The following LZTS1 variants were observed in gnomAD, a reference collection of about 807,000 sequenced individuals.
LZTS1 encodes the protein leucine zipper putative tumor suppressor 1.
Under a neutral mutation model 45.8 loss-of-function variants are expected in LZTS1, and 31 were observed. That is an observed-to-expected ratio of 0.68 (90% CI 0.51 to 0.91). The LOEUF is 0.91. LZTS1 is among the 40% of genes least tolerant of loss of function. The pLI, the probability that LZTS1 is intolerant of heterozygous loss-of-function variation, is 0.00. For missense variants in LZTS1, 821 were observed against 788.9 expected, an observed-to-expected ratio of 1.04 and a Z score of -0.49; for synonymous variants, 359 against 357.3, an observed-to-expected ratio of 1.00 and a Z score of -0.05.
chr8:20,278,855 C>T (rs925079284), intron 1 of LZTS1, among the ~76,000 whole-genome samples: 13 of 152,188 alleles, frequency 8.5e-5, no homozygotes, highest in Non-Finnish European at 1.3e-4. Context: ...CCAGCCTCTC[C>T]TCTCTCCAAT....
intron 1 of LZTS1, among the ~76,000 whole-genome samples, chr8:20,284,935 G>C (rs1344628149): frequency 6.6e-6 from 1 of 152,142 alleles, no homozygotes; most frequent in Non-Finnish European, 1.5e-5. Context: ...AAATGAAAAG[G>C]CTGTGATCGA....
chr8:20,299,378 A>G (rs1430590427), intron 1 of LZTS1, among the ~76,000 whole-genome samples: 1 of 152,244 alleles, frequency 6.6e-6, no homozygotes, highest in Admixed American at 6.5e-5. Context: ...ATTCAAAGTT[A>G]GTATTTTAAT....
chr8:20,286,884 A>C (rs1269828587), intron 1 of LZTS1, among the ~76,000 whole-genome samples: 1 of 152,190 alleles, frequency 6.6e-6, no homozygotes, highest in Non-Finnish European at 1.5e-5. Flanking sequence ...ATTCAGTAAG[A>C]TGTTTAAAAA....
In LZTS1 at chr8:20,260,449, G is replaced by C. The variant is rs368579979; in HGVS notation, c.-134-5134C>G. On this transcript the variant is annotated intron_variant, in intron 1 of 3. Transcript: ENST00000381569. The stretch of plus-strand genomic sequence containing the variant: ...CGTGGCCCTGGCCACTCAGTGACCA[G>C]TGACAGAGGTGGGATTCGAACCCAG... Among the ~76,000 whole-genome samples the C allele has an allele frequency of 1.5e-3, 223 of 152,282 alleles. 1 individual carries two copies. Among genetic ancestry groups the C allele is most frequent in the African/African-American group, 5.1e-3 (210 of 41,544 alleles).
chr8:20,291,042 T>C (rs1179587881), intron 1 of LZTS1, among the ~76,000 whole-genome samples: 1 of 152,226 alleles, frequency 6.6e-6, no homozygotes, highest in East Asian at 1.9e-4. Flanking sequence ...CATAAGCCAA[T>C]CTGAGCATGA....
At position 20,249,928 on chromosome 8, in the gene LZTS1, G is replaced by T; in HGVS notation, c.1585C>A (p.Arg529=). The change falls in exon 4 of 4, where the codon CGG becomes AGG. Residue 529 remains arginine (R), a synonymous_variant. Coordinates refer to ENST00000381569, the MANE Select transcript of LZTS1 (RefSeq NM_021020.5). ...DQMSSGFQHE[R]LVWKEEKEKV... ...TCCTTCTCCTCCTTCCACACGAGCCGCTCATGCTGGAAGCCCGAGGACATC... is the reference window on the plus strand; with the variant it reads ...TCCTTCTCCTCCTTCCACACGAGCCTCTCATGCTGGAAGCCCGAGGACATC... 3 of 1,614,164 alleles carry T rather than the reference G, an allele frequency of 1.9e-6. No individual in the cohort carries two copies. Among genetic ancestry groups the T allele is most frequent in the Non-Finnish European group, 2.5e-6 (3 of 1,180,026 alleles).
At position 20,270,983 on chromosome 8, in the gene LZTS1, C is replaced by T. The variant is rs1006643255; in HGVS notation, c.-134-15668G>A. 3.0e-4 allele frequency among the ~76,000 whole-genome samples: 46 copies of T among 152,096 alleles called. 1 individual carries two copies. The highest frequency in any genetic ancestry group is 1.5e-3 in the Admixed American group (23 of 15,270). Reference sequence around the variant, plus strand: ...ACTTTGGGTGCTGGAAATGACCTGGCGTGGCACGAAGAGTTTAACCTGGTC... The same window carrying T: ...ACTTTGGGTGCTGGAAATGACCTGGTGTGGCACGAAGAGTTTAACCTGGTC... On this transcript the variant is annotated intron_variant, in intron 1 of 3. Transcript: ENST00000381569.
intron 1 of LZTS1, among the ~76,000 whole-genome samples, chr8:20,257,893 C>T (rs958831307): frequency 5.3e-5 from 8 of 152,042 alleles, no homozygotes; most frequent in Admixed American, 2.0e-4. Context: ...AGGCTGGTCT[C>T]GAACTCCTGA....
intron 1 of LZTS1, among the ~76,000 whole-genome samples, chr8:20,269,791 C>A (rs143287810): frequency 6.6e-6 from 1 of 152,278 alleles, no homozygotes; most frequent in Non-Finnish European, 1.5e-5. Context: ...CTTTGTACCT[C>A]CCCTCTCTCC....
chr8:20,259,879 C>T (rs1262199585), intron 1 of LZTS1, among the ~76,000 whole-genome samples: 4,384 of 152,182 alleles, frequency 0.029, 95 homozygotes, highest in South Asian at 0.058. Flanking sequence ...CTCACCTGTA[C>T]TAATCTTATT....
chr8:20,300,446 C>T (rs1801055594), intron 1 of LZTS1, among the ~76,000 whole-genome samples: 1 of 152,088 alleles, frequency 6.6e-6, no homozygotes, highest in South Asian at 2.1e-4. Flanking sequence ...CATTCTCCTG[C>T]CTCAGCCTCC....
In LZTS1 at chr8:20,297,126, A is replaced by G. The variant is rs186048485; in HGVS notation, c.-135+6614T>C. Among the ~76,000 whole-genome samples the G allele has an allele frequency of 1.7e-3, 265 of 152,260 alleles. 1 individual carries two copies. The highest frequency in any genetic ancestry group is 6.1e-3 in the African/African-American group (252 of 41,546). On this transcript the variant is annotated intron_variant, in intron 1 of 3. Transcript: ENST00000381569. ...CTGGTTTCCACAAATTGCTTGAGCT[A>G]CCAGTGAAGAGACTGCTATCCCATT...
At chr8:20,252,758 C>T (rs768195898) in intron 3 of LZTS1, 24 bp downstream of exon 3, 3 of 1,496,974 alleles carry the variant, frequency 2.0e-6, no homozygotes, top group South Asian at 2.8e-5. Context: ...ACCACCCAAA[C>T]CCATGAGCCC....
At chr8:20,263,202 C>A (rs73214085) in intron 1 of LZTS1, among the ~76,000 whole-genome samples, 3 of 152,294 alleles carry the variant, frequency 2.0e-5, no homozygotes, top group Non-Finnish European at 2.9e-5. Flanking sequence ...CTGCCTACCC[C>A]ACGACCGCCT....
At chr8:20,269,683 C>T (rs1395422766) in intron 1 of LZTS1, among the ~76,000 whole-genome samples, 5 of 152,174 alleles carry the variant, frequency 3.3e-5, no homozygotes, top group African/African-American at 1.2e-4. Context: ...CTGCTGTGAG[C>T]TCCCTAGGCA....
At chr8:20,299,076 G>A (rs954597949) in intron 1 of LZTS1, among the ~76,000 whole-genome samples, 3 of 152,184 alleles carry the variant, frequency 2.0e-5, no homozygotes, top group Non-Finnish European at 2.9e-5. Context: ...TGGAGGCAGT[G>A]GTGAGAGGTG....
At position 20,253,533 on chromosome 8, in the gene LZTS1, C is replaced by T. The variant is rs771666520; in HGVS notation, c.398G>A (p.Arg133Gln). The T allele has an allele frequency of 1.0e-4, 153 of 1,527,380 alleles. No individual in the cohort carries two copies. Among genetic ancestry groups the T allele is most frequent in the Middle Eastern group, 1.7e-4 (1 of 5,732 alleles). 94.6% of individuals were successfully genotyped at this position (1,527,380 alleles called of 1,614,324 possible). ...GGAGGAGTGCAGGATGGCTCCTGAC[C>T]GTGGCAGCACAGGCTTGAAGGCTGT... ...RPTAFKPVLP[R>Q]SGAILHSSPE... Residue 133 changes from arginine to glutamine, a missense_variant, in exon 3 of 4, where the codon CGG (arginine) becomes CAG (glutamine). Arg to Gln is a conservative substitution (Grantham distance 43, BLOSUM62 1). Transcript: ENST00000381569.
At chr8:20,252,698 G>A (rs1182551718) in intron 3 of LZTS1, 84 bp downstream of exon 3, 26 of 1,294,578 alleles carry the variant, frequency 2.0e-5, no homozygotes, top group African/African-American at 2.9e-5. Context: ...GTGTTTGCAC[G>A]CTATTGGCCG....
intron 1 of LZTS1, among the ~76,000 whole-genome samples, chr8:20,291,629 G>A (rs910196184): frequency 6.6e-6 from 1 of 150,678 alleles, no homozygotes; most frequent in Non-Finnish European, 1.5e-5. Flanking sequence ...CTGCGATTGA[G>A]CACCCTTTCT....
Sources: gnomAD v4.1 joint callset for allele counts (sites outside exome capture counted in the v4.1 genomes callset) on GRCh38, gnomAD v4.1.1 for gene constraint, MANE v1.5 for transcripts, NCBI Gene and HGNC (gene_info 2026-07-23, HGNC 2026-07-21) for gene names.